The following PLAAT1 variants were observed in gnomAD, a reference collection of about 807,000 sequenced individuals.
PLAAT1 encodes the protein phospholipase A and acyltransferase 1.
Under a neutral mutation model 16.4 loss-of-function variants are expected in PLAAT1, and 13 were observed. The observed-to-expected ratio is 0.79, with a 90% CI of 0.52 to 1.26. The LOEUF (loss-of-function observed/expected upper bound fraction) is 1.26, where lower values mean the gene tolerates loss of function less well. PLAAT1 is among the 50% of genes most tolerant of loss of function. PLAAT1 has a pLI of 0.00. For synonymous variants in PLAAT1, 73 were observed against 78.4 expected (o/e 0.93, Z 0.36); for missense variants, 218 against 207.8 (o/e 1.05, Z -0.30).
intron 1 of PLAAT1, among the ~76,000 whole-genome samples, chr3:193,242,489 A>T (rs998301884): frequency 1.3e-5 from 2 of 152,160 alleles, no homozygotes; most frequent in Non-Finnish European, 2.9e-5. Flanking sequence ...TAGAAGGTTC[A>T]GTATTAACAA....
At chr3:193,265,868 A>G (rs1224241699) in intron 3 of PLAAT1, among the ~76,000 whole-genome samples, 1 of 152,188 alleles carries the variant, frequency 6.6e-6, no homozygotes, top group African/African-American at 2.4e-5. Flanking sequence ...AGTGGTGTAG[A>G]TAGGAAATAG....
intron 1 of PLAAT1, among the ~76,000 whole-genome samples, chr3:193,254,445 C>G (rs188470911): frequency 3.2e-4 from 48 of 152,238 alleles, no homozygotes; most frequent in African/African-American, 1.1e-3. Flanking sequence ...GAGGAACACC[C>G]TGTTGTCAAT....
At chr3:193,241,196 CTGGGCGGAGCGGGCG>C, upstream of PLAAT1, 1 of 1,221,354 alleles carries the variant, frequency 8.2e-7, no homozygotes, top group East Asian at 3.2e-5. Context: ...GCCCCGCCTC[CTGGGCGGAGCGGGCG>C]GCTCCCCATG....
chr3:193,269,360 A>G (rs931227601), intron 3 of PLAAT1, among the ~76,000 whole-genome samples: 6 of 152,210 alleles, frequency 3.9e-5, no homozygotes, highest in Admixed American at 2.6e-4. Context: ...GTGGGCCACA[A>G]TTACAGGCCT....
chr3:193,255,894 T>C (rs1716356900), intron 2 of PLAAT1, 105 bp downstream of exon 2: 7 of 1,079,292 alleles, frequency 6.5e-6, no homozygotes, highest in Non-Finnish European at 7.5e-6. Context: ...AAATAAAATA[T>C]AGAAAGCAGA....
chr3:193,253,894 GAAA>G (rs1163930949), intron 1 of PLAAT1, among the ~76,000 whole-genome samples: 1 of 151,736 alleles, frequency 6.6e-6, no homozygotes, highest in South Asian at 2.1e-4. Flanking sequence ...TAGTGCATTT[GAAA>G]AAAAATTGCA....
intron 2 of PLAAT1, chr3:193,276,904 AT>A (rs1717242292): frequency 1.3e-5 from 14 of 1,103,164 alleles, no homozygotes; most frequent in Non-Finnish European, 1.8e-5. Flanking sequence ...TAATTATTTA[AT>A]TTATAGATTT....
At chr3:193,255,542 G>A (rs937259078) in intron 1 of PLAAT1, 109 bp from the exon 2 acceptor site, 1 of 1,057,156 alleles carries the variant, frequency 9.5e-7, no homozygotes, top group African/African-American at 1.7e-5. Context: ...CTTTAATATA[G>A]AATGCAGTCT....
At chr3:193,265,521 G>C (rs986299441) in intron 3 of PLAAT1, among the ~76,000 whole-genome samples, 2 of 152,098 alleles carry the variant, frequency 1.3e-5, no homozygotes, top group Non-Finnish European at 2.9e-5. Context: ...AGGGTAAGAG[G>C]TATCTTTTTG....
chr3:193,269,994 T>C (rs572327767), intron 3 of PLAAT1, among the ~76,000 whole-genome samples: 1 of 152,246 alleles, frequency 6.6e-6, no homozygotes, highest in East Asian at 1.9e-4. Flanking sequence ...AAAGAAATTG[T>C]GTCTACCAAA....
At chr3:193,243,074 G>T (rs1560096303) in intron 1 of PLAAT1, among the ~76,000 whole-genome samples, 1 of 152,132 alleles carries the variant, frequency 6.6e-6, no homozygotes, top group Non-Finnish European at 1.5e-5. Flanking sequence ...AAAGACAGCA[G>T]CCTGTTTTGC....
rs1011855667 is a variant in PLAAT1 at position 193,241,652 on chromosome 3, C to G, written c.-1+119C>G. ...AGAACAACGGAGCTTATCCACCCTC[C>G]TCTTTTTCACAGACTGGGGAACTCA... On this transcript the variant is annotated intron_variant, in intron 1 of 3. Transcript: ENST00000264735. The G allele has an allele frequency of 4.9e-5, 31 of 635,762 alleles. No homozygotes were observed. The South Asian group carries it at 2.2e-3, about 45-fold the overall frequency. 39.4% of individuals were successfully genotyped at this position (635,762 alleles called of 1,614,324 possible). A position where few individuals can be genotyped will look rare whatever the true frequency, so the allele number is the denominator to read the frequency against.
chr3:193,279,862 C>A (rs1014531923), downstream of PLAAT1, among the ~76,000 whole-genome samples: 5 of 151,468 alleles, frequency 3.3e-5, no homozygotes, highest in African/African-American at 1.2e-4. Context: ...TGGTCCCAAT[C>A]AGCCTTTCTA....
At position 193,255,724 on chromosome 3, in the gene PLAAT1, G is replaced by A. The variant is rs150318874; in HGVS notation, c.74G>A (p.Arg25His). 3.2e-5 allele frequency: 51 copies of A among 1,613,130 alleles called. No homozygotes were observed. The African/African-American group carries it at 3.6e-4, about 11-fold the overall frequency. Residue 25 changes from arginine to histidine, a missense_variant, in exon 2 of 4, where the codon CGT (arginine) becomes CAT (histidine). Transcript: ENST00000264735. ...PCPGDLIEVF[R>H]PGYQHWALYL... ...CCAGGGGACTTGATCGAAGTGTTCCGTCCTGGCTATCAGCACTGGGCCCTG... is the reference window on the plus strand; with the variant it reads ...CCAGGGGACTTGATCGAAGTGTTCCATCCTGGCTATCAGCACTGGGCCCTG...
downstream of PLAAT1, among the ~76,000 whole-genome samples, chr3:193,273,068 A>T (rs1717040923): frequency 6.6e-6 from 1 of 152,244 alleles, no homozygotes; most frequent in Non-Finnish European, 1.5e-5. Context: ...GAAACCTTAT[A>T]GGTTGTAGGA....
intron 3 of PLAAT1, among the ~76,000 whole-genome samples, chr3:193,266,634 A>G (rs2108801372): frequency 6.6e-6 from 1 of 152,258 alleles, no homozygotes; most frequent in African/African-American, 2.4e-5. Flanking sequence ...CAGTCTTCTA[A>G]TCAACACAGA....
downstream of PLAAT1, chr3:193,281,087 A>G: frequency 5.0e-6 from 3 of 604,076 alleles, no homozygotes; most frequent in Non-Finnish European, 6.2e-6. Context: ...GGTATGAGGC[A>G]GACAGAAGAA....
downstream of PLAAT1, among the ~76,000 whole-genome samples, chr3:193,278,364 G>T (rs1483978520): frequency 6.6e-6 from 1 of 152,076 alleles, no homozygotes; most frequent in Non-Finnish European, 1.5e-5. Flanking sequence ...ACTCCATGTT[G>T]CCCTTGGCAT....
rs575726073 is a variant in PLAAT1, at chr3:193,258,510, T to A, written c.139+2721T>A. 8.5e-5 allele frequency among the ~76,000 whole-genome samples: 13 copies of A among 152,184 alleles called. No individual in the cohort carries two copies. In the East Asian group the frequency reaches 2.5e-3, roughly 29 times the overall value. On this transcript the variant is annotated intron_variant, in intron 2 of 3. Transcript: ENST00000264735. Reference sequence around the variant, plus strand: ...GATAAATGATTGATAGATTGCTATCTAAATTAACAAAGGAAAAAAGATCCA... The same window carrying A: ...GATAAATGATTGATAGATTGCTATCAAAATTAACAAAGGAAAAAAGATCCA...
Sources: allele counts gnomAD v4.1 joint callset (sites outside exome capture counted in the v4.1 genomes callset), GRCh38; gene constraint gnomAD v4.1.1; transcripts MANE v1.5; gene names NCBI Gene and HGNC (gene_info 2026-07-23, HGNC 2026-07-21).